SCAPER: variants seen among roughly 807,000 people sequenced by gnomAD.
SCAPER encodes the protein S phase cyclin A-associated protein in the endoplasmic reticulum.
Under a neutral mutation model 182.2 loss-of-function variants are expected in SCAPER, and 98 were observed. The observed-to-expected ratio is 0.54, with a 90% CI of 0.46 to 0.64. The LOEUF (loss-of-function observed/expected upper bound fraction) is 0.64, where lower values mean the gene tolerates loss of function less well. Ranked by LOEUF, SCAPER falls within the 30% of genes least tolerant of loss-of-function variation. The pLI is 0.00. For missense variants in SCAPER, 1,432 were observed against 1,690.0 expected (o/e 0.85, Z 2.68); for synonymous variants, 605 against 564.6 (o/e 1.07, Z -1.01).
In SCAPER at chr15:76,862,541, T is replaced by G; in HGVS notation, c.7-8A>C. 1 of 1,508,656 alleles carries G rather than the reference T, an allele frequency of 6.6e-7. No homozygotes were observed. The allele number at this position is 1,508,656 out of a possible 1,614,324, so 93.5% of individuals were successfully genotyped here. A position where few individuals can be genotyped will look rare whatever the true frequency, so the allele number is the denominator to read the frequency against. ...GGAGCGCTGGAATGAAGCCTATGTA[T>G]GGAAAAGATGGTACTTATTAGATTA... On this transcript the variant is annotated splice_polypyrimidine_tract_variant and splice_region_variant and intron_variant, in intron 2 of 31. Transcript: ENST00000563290.
intron 21 of SCAPER, among the ~76,000 whole-genome samples, chr15:76,663,397 C>T (rs1014314724): frequency 7.2e-5 from 11 of 151,752 alleles, no homozygotes; most frequent in Non-Finnish European, 1.6e-4. Flanking sequence ...AGGTATTTAC[C>T]GAAGAGAAAT....
intron 1 of SCAPER, among the ~76,000 whole-genome samples, chr15:76,900,258 T>C (rs1203731474): frequency 6.6e-6 from 1 of 150,726 alleles, no homozygotes; most frequent in African/African-American, 2.4e-5. Flanking sequence ...CTCGTGTTTA[T>C]CTGCTGACCT....
At chr15:76,388,200 T>C (rs2043413811) in intron 27 of SCAPER, among the ~76,000 whole-genome samples, 1 of 152,228 alleles carries the variant, frequency 6.6e-6, no homozygotes, top group African/African-American at 2.4e-5. Flanking sequence ...AGCTCAGAAC[T>C]GAAGGACACA....
chr15:76,799,130 A>G (rs1378339347), intron 7 of SCAPER, among the ~76,000 whole-genome samples: 4 of 152,208 alleles, frequency 2.6e-5, no homozygotes, highest in African/African-American at 9.6e-5. Flanking sequence ...CAATAACACA[A>G]TGTATGATAT....
intron 2 of SCAPER, among the ~76,000 whole-genome samples, chr15:76,882,446 T>C (rs1181954921): frequency 6.6e-6 from 1 of 151,162 alleles, no homozygotes; most frequent in Non-Finnish European, 1.5e-5. Flanking sequence ...TAGACTTCTA[T>C]CCCCTCTAAG....
At position 76,862,491 on chromosome 15, in the gene SCAPER, T is replaced by G. The variant is rs1395886673; in HGVS notation, c.49A>C (p.Ile17Leu). ...GCTGTACGACCCTCCTCTGCAACTA[T>G]TCTCCTTACTTTGTCATGACTATTG... ...RSNSHDKVRR[I>L]VAEEGRTARN... is the part of the protein sequence containing the mutation. Residue 17 changes from isoleucine to leucine, a missense_variant, in exon 3 of 32, where the codon ATA becomes CTA. By Grantham distance (5) the Ile-to-Leu change is conservative. Transcript: ENST00000563290. 1.9e-6 allele frequency: 3 copies of G among 1,613,378 alleles called. No individual in the cohort carries two copies. The highest frequency in any genetic ancestry group is 2.5e-6 in the Non-Finnish European group (3 of 1,179,606).
chr15:76,481,023 G>T (rs562005629), intron 24 of SCAPER, among the ~76,000 whole-genome samples: 5 of 152,232 alleles, frequency 3.3e-5, no homozygotes, highest in Middle Eastern at 3.4e-3. Context: ...GAGCCACCGC[G>T]CCCGGCCCAC....
intron 29 of SCAPER, among the ~76,000 whole-genome samples, chr15:76,375,829 C>G (rs2042522330): frequency 6.6e-6 from 1 of 152,018 alleles, no homozygotes; most frequent in Non-Finnish European, 1.5e-5. Flanking sequence ...ACTAAAAATA[C>G]AAAAAATTAG....
intron 20 of SCAPER, among the ~76,000 whole-genome samples, chr15:76,689,489 T>G (rs1346106824): frequency 6.6e-6 from 1 of 151,936 alleles, no homozygotes; most frequent in East Asian, 1.9e-4. Context: ...GACAGTAATT[T>G]TCTAAAAAAA....
intron 24 of SCAPER, among the ~76,000 whole-genome samples, chr15:76,488,706 T>G: frequency 7.2e-6 from 1 of 138,530 alleles, no homozygotes; most frequent in Non-Finnish European, 1.5e-5. Flanking sequence ...CTGATAACAG[T>G]ACACTGCCTT....
At chr15:76,524,168 C>G (rs1259770157) in intron 23 of SCAPER, among the ~76,000 whole-genome samples, 2 of 152,090 alleles carry the variant, frequency 1.3e-5, no homozygotes, top group African/African-American at 4.8e-5. Flanking sequence ...ATGCTTTCCT[C>G]TTACAGCAAA....
At chr15:76,350,618 T>C (rs945036131) in intron 31 of SCAPER, 2 of 152,154 alleles carry the variant, frequency 1.3e-5, no homozygotes, top group African/African-American at 4.8e-5. Context: ...GGTAGCAGAA[T>C]ATTTAAAAAA....
chr15:76,898,305 G>A (rs2074545912), intron 1 of SCAPER, among the ~76,000 whole-genome samples: 1 of 152,198 alleles, frequency 6.6e-6, no homozygotes, highest in African/African-American at 2.4e-5. Context: ...CAGTGGAAAT[G>A]TAAACCGGTA....
At chr15:76,385,973 T>C (rs900921418) in intron 27 of SCAPER, among the ~76,000 whole-genome samples, 3 of 152,210 alleles carry the variant, frequency 2.0e-5, no homozygotes, top group African/African-American at 7.2e-5. Flanking sequence ...TAGGCTAAAA[T>C]CAAGGTGTCA....
At chr15:76,567,468 C>T in intron 23 of SCAPER, 1 of 363,258 alleles carries the variant, frequency 2.8e-6, no homozygotes, top group Non-Finnish European at 5.6e-6. Context: ...CTGTTTGCTA[C>T]ATGGTAGGCT....
intron 9 of SCAPER, among the ~76,000 whole-genome samples, chr15:76,774,639 G>C (rs1266421154): frequency 1.3e-5 from 2 of 152,110 alleles, no homozygotes; most frequent in Non-Finnish European, 2.9e-5. Context: ...TATGTAACAA[G>C]AGAAAAGAAA....
chr15:76,675,304 A>T (rs941137408), intron 20 of SCAPER, among the ~76,000 whole-genome samples: 1 of 152,238 alleles, frequency 6.6e-6, no homozygotes, highest in Non-Finnish European at 1.5e-5. Flanking sequence ...CCTGAACTTA[A>T]AACGAAATTA....
chr15:76,875,758 T>C (rs1280827544), intron 2 of SCAPER, among the ~76,000 whole-genome samples: 1 of 152,254 alleles, frequency 6.6e-6, no homozygotes, highest in African/African-American at 2.4e-5. Context: ...GTTCGTGGTC[T>C]CGCTGGCTCA....
At chr15:76,881,513 T>C (rs183149938) in intron 2 of SCAPER, among the ~76,000 whole-genome samples, 1 of 152,306 alleles carries the variant, frequency 6.6e-6, no homozygotes, top group East Asian at 1.9e-4. Context: ...ACGTAATATA[T>C]TATTATTATT....
Sources: gnomAD v4.1 joint callset for allele counts (sites outside exome capture counted in the v4.1 genomes callset) on GRCh38, gnomAD v4.1.1 for gene constraint, MANE v1.5 for transcripts, NCBI Gene and HGNC (gene_info 2026-07-23, HGNC 2026-07-21) for gene names.